The following PCDHAC1 variants were observed in gnomAD, a reference collection of about 807,000 sequenced individuals.
PCDHAC1 encodes the protein protocadherin alpha-C1.
In PCDHAC1, 42 loss-of-function variants were observed where a neutral mutation model predicts 60.0. The ratio of observed to expected loss-of-function variants is 0.70; its 90% confidence interval spans 0.55 to 0.90. PCDHAC1 has a LOEUF of 0.90. Ranked by LOEUF, PCDHAC1 falls within the 40% of genes least tolerant of loss-of-function variation. The probability of loss-of-function intolerance (pLI) is 0.00; values close to 1 mark genes in which losing one functional copy is unlikely to be tolerated. For synonymous variants in PCDHAC1, 468 were observed against 499.3 expected (o/e 0.94, Z 0.84); for missense variants, 1,160 against 1,222.3 (o/e 0.95, Z 0.76).
intron 1 of PCDHAC1, among the ~76,000 whole-genome samples, chr5:140,951,923 T>C (rs538525528): frequency 6.6e-6 from 1 of 152,214 alleles, no homozygotes; most frequent in South Asian, 2.1e-4. Flanking sequence ...ACAAGTTAGT[T>C]ACTCCCAAGA....
intron 1 of PCDHAC1, among the ~76,000 whole-genome samples, chr5:140,959,712 T>A (rs166567): frequency 0.25 from 37,822 of 152,086 alleles, 5,932 homozygotes; most frequent in African/African-American, 0.45. Flanking sequence ...AAAGGGAAAA[T>A]TTTTAGATAA....
intron 1 of PCDHAC1, chr5:140,966,881 C>A: frequency 6.3e-7 from 1 of 1,589,072 alleles, no homozygotes. Context: ...GCTACCTGGC[C>A]CTGCGGCCTC....
intron 1 of PCDHAC1, among the ~76,000 whole-genome samples, chr5:140,975,492 A>G (rs2153807380): frequency 6.6e-6 from 1 of 152,332 alleles, no homozygotes; most frequent in South Asian, 2.1e-4. Flanking sequence ...ATCAATGTTC[A>G]TAAAATAGCA....
At chr5:140,951,426 A>T (rs1282737926) in intron 1 of PCDHAC1, among the ~76,000 whole-genome samples, 1 of 152,068 alleles carries the variant, frequency 6.6e-6, no homozygotes, top group Non-Finnish European at 1.5e-5. Flanking sequence ...ACAGTTCCAC[A>T]GGCTGTAGGA....
In PCDHAC1 at chr5:140,950,226, T is replaced by A. The variant is rs1478539445; in HGVS notation, c.2433+20901T>A. ...TGTTTACCTAGTCATTTACCATTTC[T>A]AGTGCCATTAATTTGTTCCTAAAGA... On this transcript the variant is annotated intron_variant, in intron 1 of 3. Coordinates refer to ENST00000253807, the MANE Select transcript of PCDHAC1 (RefSeq NM_018898.5). 5.9e-5 allele frequency among the ~76,000 whole-genome samples: 9 copies of A among 152,018 alleles called. No homozygotes were observed. The East Asian group carries it at 1.7e-3, about 29-fold the overall frequency.
chr5:140,989,597 G>A (rs1168398697), intron 3 of PCDHAC1, among the ~76,000 whole-genome samples: 1 of 152,144 alleles, frequency 6.6e-6, no homozygotes, highest in Non-Finnish European at 1.5e-5. Flanking sequence ...ACTGACACAA[G>A]TAAACTAAAA....
At chr5:140,940,645 A>G (rs1554213545) in intron 1 of PCDHAC1, among the ~76,000 whole-genome samples, 1 of 152,156 alleles carries the variant, frequency 6.6e-6, no homozygotes, top group Non-Finnish European at 1.5e-5. Flanking sequence ...TCATTTATTT[A>G]TTTAAATATA....
Position 140,928,292 on chromosome 5 carries a change from T to G in PCDHAC1, c.1400T>G (p.Val467Gly). 6.2e-7 allele frequency: 1 copy of G among 1,614,086 alleles called. No individual in the cohort carries two copies. Among genetic ancestry groups the G allele is most frequent in the Middle Eastern group, 1.6e-4 (1 of 6,062 alleles). ...NNGPGASLGR[V>G]FAQDPDLGKN... ...GGCCCTGGGGCCTCTCTAGGCCGAG[T>G]GTTTGCCCAGGACCCCGACCTGGGG... The change falls in exon 1 of 4, where the codon GTG becomes GGG. Residue 467 changes from valine to glycine, a missense_variant. Around this residue, in one of 3 missense-constraint regions of PCDHAC1, gnomAD observed 1,113 missense variants for 1,163.7 expected, o/e 0.96. Transcript: ENST00000253807.
At chr5:141,007,030 A>G (rs1554261014) in intron 3 of PCDHAC1, among the ~76,000 whole-genome samples, 1 of 152,186 alleles carries the variant, frequency 6.6e-6, no homozygotes, top group African/African-American at 2.4e-5. Flanking sequence ...TATGGTATTT[A>G]TATCTATGGA....
rs781842258 is a variant in PCDHAC1, at chr5:140,928,901, T to A, written c.2009T>A (p.Val670Asp). 6.2e-7 allele frequency: 1 copy of A among 1,614,212 alleles called. No homozygotes were observed. ...VPQLLPDFED[V>D]WEPGGQLSAQ... ...CAGTTACTTCCAGACTTTGAAGATG[T>A]CTGGGAACCAGGAGGGCAGCTTTCT... Residue 670 changes from valine to aspartate, a missense_variant, in exon 1 of 4, where the codon GTC (valine) becomes GAC (aspartate). By Grantham distance (152) the Val-to-Asp change is radical. This residue lies in a region of PCDHAC1 where 1,113 missense variants were observed against 1,163.7 expected (regional missense o/e 0.96). Coordinates refer to ENST00000253807, the MANE Select transcript of PCDHAC1 (RefSeq NM_018898.5).
At position 140,946,631 on chromosome 5, in the gene PCDHAC1, T is replaced by TATATATATATACAC. The variant is rs57893927; in HGVS notation, c.2433+17307_2433+17308insTATATATATACACA. Among the ~76,000 whole-genome samples, 93 of 131,838 alleles carry TATATATATATACAC rather than the reference T, an allele frequency of 7.1e-4. 3 individuals carry two copies. Among genetic ancestry groups the TATATATATATACAC allele is most frequent in the East Asian group, 2.3e-3 (11 of 4,866 alleles). 86.5% of individuals were successfully genotyped at this position (131,838 alleles called of 152,430 possible). A position where few individuals can be genotyped will look rare whatever the true frequency, so the allele number is the denominator to read the frequency against. ...TGTGAAATATATATATATATATATA[T>TATATATATATACAC]ACAATGGAATACTCATCAGCCATTA... On this transcript the variant is annotated intron_variant, in intron 1 of 3. Transcript: ENST00000253807.
At chr5:140,959,800 G>A (rs193288186) in intron 1 of PCDHAC1, among the ~76,000 whole-genome samples, 1 of 152,080 alleles carries the variant, frequency 6.6e-6, no homozygotes, top group Admixed American at 6.5e-5. Context: ...CTAATTTAGA[G>A]GATTTATATT....
chr5:140,975,522 G>A (rs2096670563), intron 1 of PCDHAC1, among the ~76,000 whole-genome samples: 1 of 152,128 alleles, frequency 6.6e-6, no homozygotes, highest in African/African-American at 2.4e-5. Context: ...ATCTGCAGTG[G>A]ATATATTCTT....
chr5:140,985,643 A>G (rs564908892), intron 3 of PCDHAC1, among the ~76,000 whole-genome samples: 1 of 151,200 alleles, frequency 6.6e-6, no homozygotes, highest in Non-Finnish European at 1.5e-5. Context: ...TCATCCCAAC[A>G]CTTGCAATGG....
Position 140,966,719 on chromosome 5 carries a change from G to A in PCDHAC1, c.2434-12230G>A, listed in dbSNP as rs373995406. On this transcript the variant is annotated intron_variant, in intron 1 of 3. Coordinates refer to ENST00000253807, the MANE Select transcript of PCDHAC1 (RefSeq NM_018898.5). ...CCGGGCGTGGGGCACGGCTGGGGAA[G>A]CTGCCGCCTCCGGCCCTGCCCGGCT... 7.2e-6 allele frequency: 10 copies of A among 1,395,512 alleles called. No individual in the cohort carries two copies. The East Asian group carries it at 1.1e-4, about 16-fold the overall frequency. 86.4% of individuals were successfully genotyped at this position (1,395,512 alleles called of 1,614,324 possible).
At chr5:140,966,527 G>C (rs1328867902) in intron 1 of PCDHAC1, 2 of 444,184 alleles carry the variant, frequency 4.5e-6, no homozygotes, top group Non-Finnish European at 7.8e-6. Context: ...AAGCCGAGCC[G>C]GGTTGAGCGA....
intron 3 of PCDHAC1, among the ~76,000 whole-genome samples, chr5:141,006,730 C>A (rs1222445312): frequency 1.3e-5 from 2 of 151,754 alleles, no homozygotes; most frequent in African/African-American, 4.8e-5. Context: ...AATGACAGGT[C>A]TTGATGATGT....
chr5:140,955,677 G>A (rs989922322), intron 1 of PCDHAC1, among the ~76,000 whole-genome samples: 6 of 151,960 alleles, frequency 3.9e-5, no homozygotes, highest in African/African-American at 1.2e-4. Context: ...TAGTTTTTTC[G>A]AAATCTGTGA....
intron 1 of PCDHAC1, among the ~76,000 whole-genome samples, chr5:140,957,750 TGTTCATTATATATGTTAAGTAAAAACTAA>T (rs1477515057): frequency 6.6e-6 from 1 of 152,128 alleles, no homozygotes; most frequent in African/African-American, 2.4e-5. Context: ...CATGAAAGGA[TGTTCATTATATATGTTAAGTAAAAACTAA>T]GTTCATCATA....
Sources: gnomAD v4.1 joint callset for allele counts (sites outside exome capture counted in the v4.1 genomes callset) on GRCh38, gnomAD v4.1.1 for gene constraint, gnomAD v4.1.1 regional missense constraint, MANE v1.5 for transcripts, NCBI Gene and HGNC (gene_info 2026-07-23, HGNC 2026-07-21) for gene names.